CDC5L: variants seen among roughly 807,000 people sequenced by gnomAD.
The protein encoded by CDC5L is cell division cycle 5-like protein.
CDC5L carries 18 observed loss-of-function variants against 104.1 expected under a neutral mutation model. The ratio of observed to expected loss-of-function variants is 0.17; its 90% confidence interval spans 0.12 to 0.26. The LOEUF (loss-of-function observed/expected upper bound fraction) is 0.26, where lower values mean the gene tolerates loss of function less well. Among genes scored for constraint, CDC5L ranks in the 10% least tolerant of loss-of-function variants. The probability of loss-of-function intolerance (pLI) is 1.00; values close to 1 mark genes in which losing one functional copy is unlikely to be tolerated. For missense variants in CDC5L, 673 were observed against 956.9 expected, an observed-to-expected ratio of 0.70 and a Z score of 3.91; for synonymous variants, 331 against 322.7, an observed-to-expected ratio of 1.03 and a Z score of -0.28.
At chr6:44,415,500 C>T (rs985411869) in intron 8 of CDC5L, among the ~76,000 whole-genome samples, 2 of 152,172 alleles carry the variant, frequency 1.3e-5, no homozygotes, top group Non-Finnish European at 1.5e-5. Context: ...GCTTGTGTGG[C>T]ACTCCCTGGT....
chr6:44,436,134 A>T lies in CDC5L; in HGVS notation c.2091+6224A>T, dbSNP rs111690210. ...GTTTGAGATAATATAAGATTAAATG[A>T]GATACTGTATGATTAGCAAATAGCA... On this transcript the variant is annotated intron_variant, in intron 14 of 15. Coordinates refer to ENST00000371477, the MANE Select transcript of CDC5L (RefSeq NM_001253.4). 6.3e-3 allele frequency among the ~76,000 whole-genome samples: 967 copies of T among 152,286 alleles called. 2 individuals are homozygous for T. The highest frequency in any genetic ancestry group is 0.022 in the African/African-American group (905 of 41,536).
intron 14 of CDC5L, among the ~76,000 whole-genome samples, chr6:44,430,206 A>G (rs1792614332): frequency 6.6e-6 from 1 of 151,970 alleles, no homozygotes; most frequent in Admixed American, 6.6e-5. Flanking sequence ...GGAGCCAAGA[A>G]GCCAATACTA....
chr6:44,396,319 TTTC>T lies in CDC5L; in HGVS notation c.440-16_440-14del, dbSNP rs763576280. On this transcript the variant is annotated intron_variant, in intron 4 of 15. Coordinates refer to ENST00000371477, the MANE Select transcript of CDC5L (RefSeq NM_001253.4). ...GTAAGAACTAAGAAAATACTTAGTT[TTTC>T]TTCTTTTAATTTTTGCAGATGAACT... The T allele has an allele frequency of 6.4e-7, 1 of 1,555,356 alleles. No individual in the cohort carries two copies. The highest frequency in any genetic ancestry group is 1.1e-5 in the South Asian group (1 of 87,776).
At chr6:44,435,383 T>C (rs532878761) in intron 14 of CDC5L, among the ~76,000 whole-genome samples, 6 of 152,116 alleles carry the variant, frequency 3.9e-5, no homozygotes, top group African/African-American at 1.4e-4. Context: ...TCAAAATTCT[T>C]ATAAGTGGGT....
Position 44,412,088 on chromosome 6 carries a change from C to G in CDC5L, c.1092+3456C>G, listed in dbSNP as rs115291268. Reference sequence around the variant, plus strand: ...AATGGCTATAGGTATTGTAAGAATCCCACTAGCCATCTTCTCCTGGTGGCC... The same window carrying G: ...AATGGCTATAGGTATTGTAAGAATCGCACTAGCCATCTTCTCCTGGTGGCC... On this transcript the variant is annotated intron_variant, in intron 8 of 15. Coordinates refer to ENST00000371477, the MANE Select transcript of CDC5L (RefSeq NM_001253.4). Among the ~76,000 whole-genome samples the G allele has an allele frequency of 8.0e-3, 1,211 of 152,230 alleles. 21 individuals carry two copies. The highest frequency in any genetic ancestry group is 0.028 in the African/African-American group (1,157 of 41,518).
intron 7 of CDC5L, among the ~76,000 whole-genome samples, chr6:44,407,420 G>A (rs547055098): frequency 5.3e-5 from 8 of 151,330 alleles, no homozygotes; most frequent in South Asian, 2.1e-4. Context: ...TCCGCCTTCC[G>A]CGTTCAAGCG....
chr6:44,438,287 CT>C (rs1793027956), intron 14 of CDC5L, among the ~76,000 whole-genome samples: 7 of 152,158 alleles, frequency 4.6e-5, no homozygotes, highest in Admixed American at 1.3e-4. Flanking sequence ...TTGAATGTAA[CT>C]TGATGGATTT....
In CDC5L at chr6:44,449,205, A is replaced by C. The variant is rs1163981280; in HGVS notation, c.*2494A>C. 1 of 152,234 alleles carries C rather than the reference A, an allele frequency of 6.6e-6. No individual in the cohort carries two copies. 9.4% of individuals were successfully genotyped at this position (152,234 alleles called of 1,614,324 possible). A position where few individuals can be genotyped will look rare whatever the true frequency, so the allele number is the denominator to read the frequency against. ...CTAAAAAAATCGGCAGGAATTACAA[A>C]ATTTCAAAACTGGCACATTGTAAAC... On this transcript the variant is annotated 3_prime_UTR_variant, in exon 16 of 16. Coordinates refer to ENST00000371477, the MANE Select transcript of CDC5L (RefSeq NM_001253.4).
At chr6:44,403,774 A>G (rs774868053) in intron 5 of CDC5L, 35 bp from the exon 6 acceptor site, 4 of 1,428,674 alleles carry the variant, frequency 2.8e-6, no homozygotes, top group Admixed American at 1.9e-5. Context: ...GTCACATGGC[A>G]TATGATTTTC....
Position 44,405,194 on chromosome 6 carries a change from T to C in CDC5L, c.759-1129T>C, listed in dbSNP as rs79564867. Reference sequence around the variant, plus strand: ...TATCTGAATATTGTAGGGAGAGTATTTTATGGTTGTCAAGGGTTTTTTAAA... The same window carrying C: ...TATCTGAATATTGTAGGGAGAGTATCTTATGGTTGTCAAGGGTTTTTTAAA... On this transcript the variant is annotated intron_variant, in intron 6 of 15. Coordinates refer to ENST00000371477, the MANE Select transcript of CDC5L (RefSeq NM_001253.4). Among the ~76,000 whole-genome samples the C allele has an allele frequency of 3.3e-3, 498 of 152,268 alleles. 1 individual carries two copies. The highest frequency in any genetic ancestry group is 0.011 in the African/African-American group (471 of 41,546).
intron 8 of CDC5L, among the ~76,000 whole-genome samples, chr6:44,416,858 TC>T (rs1248799162): frequency 6.6e-6 from 1 of 152,210 alleles, no homozygotes; most frequent in Non-Finnish European, 1.5e-5. Flanking sequence ...TTCTCCTCTT[TC>T]CTATGCAGAA....
rs1445233779 is a variant in CDC5L at position 44,448,378 on chromosome 6, T to A, written c.*1667T>A. 1.3e-5 allele frequency: 2 copies of A among 152,194 alleles called. No homozygotes were observed. Among genetic ancestry groups the A allele is most frequent in the Non-Finnish European group, 2.9e-5 (2 of 68,034 alleles). The allele number at this position is 152,194 out of a possible 1,614,324, so 9.4% of individuals were successfully genotyped here. The stretch of plus-strand genomic sequence containing the variant: ...AGAAGATCTAAGCAAAGGAATGACA[T>A]GATCAGATTTGGTTTTAGAAACATC... On this transcript the variant is annotated 3_prime_UTR_variant, in exon 16 of 16. Coordinates refer to ENST00000371477, the MANE Select transcript of CDC5L (RefSeq NM_001253.4).
chr6:44,417,915 G>GT (rs1791976799), intron 8 of CDC5L, among the ~76,000 whole-genome samples: 1 of 152,160 alleles, frequency 6.6e-6, no homozygotes, highest in East Asian at 1.9e-4. Context: ...TTGAATTCTT[G>GT]TAATAGTAAT....
At chr6:44,390,208 T>C (rs1462399106) in intron 1 of CDC5L, 60 bp from the exon 2 acceptor site, 9 of 1,019,810 alleles carry the variant, frequency 8.8e-6, no homozygotes, top group Non-Finnish European at 1.4e-5. Context: ...TTAATTTAAA[T>C]TTTGTCTTTT....
chr6:44,407,472 G>A (rs1354289637), intron 7 of CDC5L, among the ~76,000 whole-genome samples: 3 of 152,072 alleles, frequency 2.0e-5, no homozygotes, highest in Non-Finnish European at 2.9e-5. Context: ...AACTGTAGGC[G>A]TGCGCCACCA....
chr6:44,450,207 G>A lies in CDC5L; in HGVS notation c.*3496G>A, dbSNP rs1431898347. On this transcript the variant is annotated 3_prime_UTR_variant, in exon 16 of 16. Coordinates refer to ENST00000371477, the MANE Select transcript of CDC5L (RefSeq NM_001253.4). Reference sequence around the variant, plus strand: ...ATTGGGATTTTGCTAGCTCTCTAAAGTAAATAGGATAACTGTATATCTTTT... The same window carrying A: ...ATTGGGATTTTGCTAGCTCTCTAAAATAAATAGGATAACTGTATATCTTTT... The A allele has an allele frequency of 1.3e-5, 2 of 152,140 alleles. No homozygotes were observed. The highest frequency in any genetic ancestry group is 2.9e-5 in the Non-Finnish European group (2 of 68,032). 9.4% of individuals were successfully genotyped at this position (152,140 alleles called of 1,614,324 possible).
At chr6:44,397,450 A>G (rs1790921218) in intron 5 of CDC5L, among the ~76,000 whole-genome samples, 1 of 152,178 alleles carries the variant, frequency 6.6e-6, no homozygotes. Flanking sequence ...CTCTGAAACT[A>G]TCTTGTATTT....
intron 2 of CDC5L, among the ~76,000 whole-genome samples, chr6:44,392,212 CAT>C (rs1790654786): frequency 6.6e-6 from 1 of 152,094 alleles, no homozygotes; most frequent in African/African-American, 2.4e-5. Flanking sequence ...AATTTTAAAA[CAT>C]ATCAAATGAA....
In CDC5L at chr6:44,424,494, C is replaced by T. The variant is rs925089749; in HGVS notation, c.1480C>T (p.Leu494=). Residue 494 remains leucine (L), a synonymous_variant, in exon 11 of 16, where the codon CTA becomes TTA. Transcript: ENST00000371477. The part of the protein sequence containing the change: ...PAPKNDFEIV[L]PENAEKELEE... ...CCCTAAGAATGATTTTGAAATTGTT[C>T]TACCAGAAAATGCCGAGAAGGAGCT... 1.7e-5 allele frequency: 28 copies of T among 1,613,764 alleles called. No homozygotes were observed. Among genetic ancestry groups the T allele is most frequent in the Admixed American group, 3.3e-5 (2 of 59,976 alleles).
Sources: allele counts gnomAD v4.1 joint callset (sites outside exome capture counted in the v4.1 genomes callset), GRCh38; gene constraint gnomAD v4.1.1; transcripts MANE v1.5; gene names NCBI Gene and HGNC (gene_info 2026-07-23, HGNC 2026-07-21).